ENTPD3: variants seen among roughly 807,000 people sequenced by gnomAD.
ENTPD3 encodes ectonucleoside triphosphate diphosphohydrolase 3, also known as CD39 antigen-like 3.
A neutral mutation model predicts 51.2 loss-of-function variants in ENTPD3; 60 were observed. The observed-to-expected ratio is 1.17, with a 90% CI of 0.95 to 1.45. The LOEUF (loss-of-function observed/expected upper bound fraction) is 1.45, where lower values mean the gene tolerates loss of function less well. Ranked by LOEUF, ENTPD3 falls within the 40% of genes most tolerant of loss-of-function variation. The pLI is 0.00. For synonymous variants in ENTPD3, 221 were observed against 238.4 expected (o/e 0.93, Z 0.67); for missense variants, 593 against 641.1 (o/e 0.93, Z 0.81).
intron 6 of ENTPD3, among the ~76,000 whole-genome samples, chr3:40,415,611 C>T (rs187219012): frequency 6.6e-6 from 1 of 152,260 alleles, no homozygotes; most frequent in East Asian, 1.9e-4. Context: ...CCACCAGTCC[C>T]TATTATACAC....
intron 4 of ENTPD3, among the ~76,000 whole-genome samples, chr3:40,407,602 T>C (rs971778263): frequency 2.0e-5 from 3 of 152,050 alleles, no homozygotes; most frequent in Non-Finnish European, 4.4e-5. Context: ...AAGCTGAGTG[T>C]CATCAGAATA....
Position 40,423,824 on chromosome 3 carries a change from A to C in ENTPD3, c.1216-2A>C. 6.2e-7 allele frequency: 1 copy of C among 1,613,944 alleles called. No individual in the cohort carries two copies. The highest frequency in any genetic ancestry group is 8.5e-7 in the Non-Finnish European group (1 of 1,179,878). On this transcript the variant is annotated splice_acceptor_variant, in intron 9 of 10. Coordinates refer to ENST00000301825, the MANE Select transcript of ENTPD3 (RefSeq NM_001248.4). LOFTEE classifies it high-confidence loss of function. ...GCCTCTCAGATGTTTTAAACCTTTC[A>C]GCTCCCACTGCTGCTCCCCAAATTT...
chr3:40,428,554 T>A lies in ENTPD3; in HGVS notation c.*1046T>A, dbSNP rs1234423703. 3.3e-5 allele frequency: 5 copies of A among 152,138 alleles called. No individual in the cohort carries two copies. The highest frequency in any genetic ancestry group is 1.2e-4 in the African/African-American group (5 of 41,436). The allele number at this position is 152,138 out of a possible 1,614,324, so 9.4% of individuals were successfully genotyped here. A position where few individuals can be genotyped will look rare whatever the true frequency, so the allele number is the denominator to read the frequency against. On this transcript the variant is annotated 3_prime_UTR_variant, in exon 11 of 11. Transcript: ENST00000301825. ...AAATCCAATGGCTACAAACTAAAAA[T>A]CAGCATTATTTCATATTGCTGTTTC...
At position 40,412,031 on chromosome 3, in the gene ENTPD3, G is replaced by A. The variant is rs189955892; in HGVS notation, c.437+69G>A. 2.3e-3 allele frequency: 3,280 copies of A among 1,411,242 alleles called. 8 individuals carry two copies. Among genetic ancestry groups the A allele is most frequent in the Non-Finnish European group, 2.8e-3 (2,986 of 1,061,712 alleles). The allele number at this position is 1,411,242 out of a possible 1,614,324, so 87.4% of individuals were successfully genotyped here. ...CCAAGAATATGTTGAATCTTGCCAA[G>A]AATGTAACTCTATTTCTGGGAACAA... On this transcript the variant is annotated intron_variant, in intron 5 of 10. Transcript: ENST00000301825.
intron 7 of ENTPD3, among the ~76,000 whole-genome samples, chr3:40,416,339 T>C (rs1256975477): frequency 6.6e-6 from 1 of 152,176 alleles, no homozygotes; most frequent in South Asian, 2.1e-4. Flanking sequence ...GTTTTGTAAA[T>C]GACTCAAGAC....
Position 40,427,743 on chromosome 3 carries a change from A to G in ENTPD3, c.*235A>G. On this transcript the variant is annotated 3_prime_UTR_variant, in exon 11 of 11. Transcript: ENST00000301825. ...TACCCACATGCTGATCTATTGGGGA[A>G]CAGAGAAGAGACAGGCCACGAAGGT... The G allele has an allele frequency of 1.8e-6, 1 of 547,992 alleles. No homozygotes were observed. 33.9% of individuals were successfully genotyped at this position (547,992 alleles called of 1,614,324 possible).
chr3:40,423,810 G>A lies in ENTPD3; in HGVS notation c.1216-16G>A, dbSNP rs1198297835. ...TACCTGCCTGCCCTGCCTCTCAGAT[G>A]TTTTAAACCTTTCAGCTCCCACTGC... On this transcript the variant is annotated splice_polypyrimidine_tract_variant and intron_variant, in intron 9 of 10. Transcript: ENST00000301825. The A allele has an allele frequency of 1.9e-6, 3 of 1,613,230 alleles. No homozygotes were observed. Among genetic ancestry groups the A allele is most frequent in the African/African-American group, 1.3e-5 (1 of 74,884 alleles).
intron 3 of ENTPD3, among the ~76,000 whole-genome samples, chr3:40,394,922 G>A (rs1039996238): frequency 5.3e-5 from 8 of 152,202 alleles, no homozygotes; most frequent in Non-Finnish European, 8.8e-5. Context: ...TGACCCAAAC[G>A]AATGTGTTTA....
intron 4 of ENTPD3, among the ~76,000 whole-genome samples, chr3:40,404,946 GC>G (rs1955456205): frequency 6.6e-6 from 1 of 152,116 alleles, no homozygotes; most frequent in Non-Finnish European, 1.5e-5. Context: ...GCCTTTGCTG[GC>G]GGTTTCTGTG....
intron 7 of ENTPD3, among the ~76,000 whole-genome samples, chr3:40,421,932 G>A (rs535859735): frequency 6.6e-6 from 1 of 152,280 alleles, no homozygotes; most frequent in East Asian, 1.9e-4. Flanking sequence ...ATGAGAAGGA[G>A]ACTTCACTTT....
chr3:40,388,991 TG>T (rs1225797728), intron 2 of ENTPD3, among the ~76,000 whole-genome samples: 2 of 152,270 alleles, frequency 1.3e-5, no homozygotes, highest in East Asian at 3.9e-4. Context: ...GCCCCTAAAT[TG>T]GGTATTCTTG....
At chr3:40,406,703 G>A (rs1224899228) in intron 4 of ENTPD3, among the ~76,000 whole-genome samples, 2 of 152,090 alleles carry the variant, frequency 1.3e-5, no homozygotes, top group Non-Finnish European at 2.9e-5. Flanking sequence ...TGGGTCCGTG[G>A]TGCTACTAGC....
intron 4 of ENTPD3, among the ~76,000 whole-genome samples, chr3:40,410,591 A>G (rs1955606404): frequency 6.6e-6 from 1 of 152,274 alleles, no homozygotes; most frequent in South Asian, 2.1e-4. Flanking sequence ...TAATCCCTAT[A>G]TATTTTTTTT....
chr3:40,387,787 A>C (rs934946700), intron 1 of ENTPD3, among the ~76,000 whole-genome samples: 1 of 152,024 alleles, frequency 6.6e-6, no homozygotes, highest in Non-Finnish European at 1.5e-5. Context: ...GCAGAAAAAG[A>C]CCTTTTTTCG....
chr3:40,422,464 G>A (rs1425593052), intron 7 of ENTPD3, among the ~76,000 whole-genome samples: 2 of 150,100 alleles, frequency 1.3e-5, no homozygotes, highest in Non-Finnish European at 3.0e-5. Context: ...CCATTAACTC[G>A]TCATTTAGCA....
chr3:40,425,584 T>C (rs1440608806), intron 10 of ENTPD3, among the ~76,000 whole-genome samples: 1 of 151,728 alleles, frequency 6.6e-6, no homozygotes, highest in Non-Finnish European at 1.5e-5. Context: ...TAAGAATAAA[T>C]GATGTTGTGG....
In ENTPD3 at chr3:40,411,902, C is replaced by A. The variant is rs1289752949; in HGVS notation, c.377C>A (p.Ser126Tyr). 6.2e-7 allele frequency: 1 copy of A among 1,612,650 alleles called. No homozygotes were observed. The highest frequency in any genetic ancestry group is 8.5e-7 in the Non-Finnish European group (1 of 1,179,502). The change falls in exon 5 of 11, where the codon TCC becomes TAC. Residue 126 changes from serine to tyrosine, a missense_variant. Transcript: ENST00000301825. ...CMQKVKGQVPSHLHGSTPIHL... is the reference protein window; with the variant it reads ...CMQKVKGQVPYHLHGSTPIHL... ...CAAAAAGTCAAGGGGCAGGTTCCAT[C>A]CCACCTCCACGGATCCACCCCCATT...
At chr3:40,424,643 C>T in intron 10 of ENTPD3, 2 of 650,088 alleles carry the variant, frequency 3.1e-6, no homozygotes, top group East Asian at 5.7e-5. Flanking sequence ...AAGCTGGAAT[C>T]ACAGCTGTCA....
rs749645534 is a variant in ENTPD3 at position 40,392,155 on chromosome 3, G to A, written c.168+5G>A. 6.2e-7 allele frequency: 1 copy of A among 1,613,616 alleles called. No homozygotes were observed. ...GTCCTCCCTCCAGGACTGAAGGTAA[G>A]TGTGAAGGGACTGGCAACAAAGGGA... is the stretch of plus-strand genomic sequence containing the variant. On this transcript the variant is annotated splice_donor_5th_base_variant and intron_variant, in intron 3 of 10. Transcript: ENST00000301825.
Sources: allele counts gnomAD v4.1 joint callset (sites outside exome capture counted in the v4.1 genomes callset), GRCh38; gene constraint gnomAD v4.1.1; transcripts MANE v1.5; gene names NCBI Gene and HGNC (gene_info 2026-07-23, HGNC 2026-07-21).